DNAI2: variants seen among roughly 807,000 people sequenced by gnomAD.
DNAI2 encodes the protein dynein axonemal intermediate chain 2.
Under a neutral mutation model 74.7 loss-of-function variants are expected in DNAI2, and 63 were observed. The ratio of observed to expected loss-of-function variants is 0.84; its 90% CI spans 0.69 to 1.04. The LOEUF (loss-of-function observed/expected upper bound fraction) is 1.04. DNAI2 is among the 50% of genes least tolerant of loss of function. The probability of loss-of-function intolerance (pLI) is 0.00; values close to 1 mark genes in which losing one functional copy is unlikely to be tolerated. For missense variants in DNAI2, 688 were observed against 803.2 expected (o/e 0.86, Z 1.73); for synonymous variants, 289 against 314.9 (o/e 0.92, Z 0.87).
intron 1 of DNAI2, among the ~76,000 whole-genome samples, chr17:74,276,093 C>T (rs759252738): frequency 1.3e-4 from 20 of 152,120 alleles, no homozygotes; most frequent in Admixed American, 6.5e-4. Context: ...CACGCTGACA[C>T]TCCTCCTCCC....
chr17:74,302,837 A>G (rs1241250386), intron 8 of DNAI2, among the ~76,000 whole-genome samples: 1 of 152,182 alleles, frequency 6.6e-6, no homozygotes, highest in African/African-American at 2.4e-5. Flanking sequence ...CCTGGCCTCG[A>G]ACATACCTGG....
chr17:74,278,926 G>A (rs968556353), intron 1 of DNAI2, among the ~76,000 whole-genome samples: 2 of 152,228 alleles, frequency 1.3e-5, no homozygotes, highest in African/African-American at 4.8e-5. Context: ...CCAGCATTTT[G>A]GGAGGCCAAG....
chr17:74,302,070 AGAAGGAAG>A (rs1160792899), intron 8 of DNAI2, among the ~76,000 whole-genome samples: 411 of 6,898 alleles, frequency 0.06, 41 homozygotes, highest in East Asian at 0.15. Context: ...AAGGAAGGAA[AGAAGGAAG>A]GAAGGAAGGA....
At chr17:74,294,155 ATTAAT>A (rs144349276) in intron 6 of DNAI2, among the ~76,000 whole-genome samples, 49,824 of 151,660 alleles carry the variant, frequency 0.33, 8,918 homozygotes, top group Non-Finnish European at 0.42. Context: ...ATCTATTTAC[ATTAAT>A]TTAATTACTG....
chr17:74,305,947 C>T (rs2053168274), intron 9 of DNAI2, among the ~76,000 whole-genome samples: 1 of 152,176 alleles, frequency 6.6e-6, no homozygotes, highest in Admixed American at 6.5e-5. Flanking sequence ...GTTGGGATTA[C>T]AGGTGTGAGC....
At chr17:74,309,129 C>A in intron 9 of DNAI2, 124 bp from the exon 10 acceptor site, 1 of 1,040,546 alleles carries the variant, frequency 9.6e-7, no homozygotes, top group Non-Finnish European at 1.4e-6. Context: ...AGAAGTCAGA[C>A]ACAAGGAAGA....
intron 10 of DNAI2, 100 bp from the exon 11 acceptor site, chr17:74,309,917 A>G: frequency 6.6e-7 from 1 of 1,521,666 alleles, no homozygotes; most frequent in African/African-American, 1.4e-5. Context: ...GGATGTTTGA[A>G]TAGGGCCAAG....
rs2051414832 is a variant in DNAI2, at chr17:74,281,944, G to T, written c.127G>T (p.Glu43Ter). ...CCCTGAGCTGGCCGAGCAGTTCGTG[G>T]AGCGGAACCCAGTGGACACGGGCAT... ...PNPELAEQFVERNPVDTGIQC... is the reference protein window; with the variant it reads ...PNPELAEQFV Residue 43 changes from glutamate to a stop codon, truncating the protein, a stop_gained, in exon 2 of 14, where the codon GAG (glutamate) becomes TAG (stop). Coordinates refer to ENST00000311014, the MANE Select transcript of DNAI2 (RefSeq NM_023036.6). LOFTEE classifies it high-confidence loss of function. 1.2e-6 allele frequency: 2 copies of T among 1,614,050 alleles called. No homozygotes were observed. The highest frequency in any genetic ancestry group is 1.3e-5 in the African/African-American group (1 of 74,938).
chr17:74,307,225 T>C, intron 9 of DNAI2: 1 of 456,130 alleles, frequency 2.2e-6, no homozygotes, highest in South Asian at 1.5e-5. Flanking sequence ...CTGCCAGGGC[T>C]GTGTGAAAGG....
At chr17:74,309,010 C>T (rs2053344631) in intron 9 of DNAI2, among the ~76,000 whole-genome samples, 1 of 149,948 alleles carries the variant, frequency 6.7e-6, no homozygotes, top group Non-Finnish European at 1.5e-5. Flanking sequence ...TTGCAGTGAG[C>T]CGACATCGTA....
At chr17:74,294,837 C>T (rs1411648263) in intron 6 of DNAI2, among the ~76,000 whole-genome samples, 3 of 152,000 alleles carry the variant, frequency 2.0e-5, no homozygotes, top group East Asian at 1.9e-4. Flanking sequence ...AATATTCTTT[C>T]CTACCCTTTC....
intron 5 of DNAI2, among the ~76,000 whole-genome samples, chr17:74,290,503 A>G (rs1348802990): frequency 6.6e-6 from 1 of 152,194 alleles, no homozygotes; most frequent in African/African-American, 2.4e-5. Context: ...AGGCAGGGAC[A>G]GGGTGGTGGT....
At chr17:74,286,325 A>AATAATAATG (rs1353389581) in intron 3 of DNAI2, among the ~76,000 whole-genome samples, 6 of 149,088 alleles carry the variant, frequency 4.0e-5, no homozygotes, top group Non-Finnish European at 1.5e-5. Context: ...TAATAATAAT[A>AATAATAATG]ATAATAATAA....
intron 2 of DNAI2, 73 bp from the exon 3 acceptor site, chr17:74,284,967 T>A: frequency 6.2e-7 from 1 of 1,604,640 alleles, no homozygotes; most frequent in Non-Finnish European, 8.5e-7. Flanking sequence ...CCGTGGGACC[T>A]GGCTTGCAGA....
intron 2 of DNAI2, among the ~76,000 whole-genome samples, chr17:74,283,995 G>A (rs911987227): frequency 3.9e-5 from 6 of 152,050 alleles, no homozygotes; most frequent in African/African-American, 9.7e-5. Context: ...AAAATTAGCC[G>A]GCCATGATGG....
chr17:74,285,592 C>CAA (rs34628493), intron 3 of DNAI2, among the ~76,000 whole-genome samples: 2 of 140,702 alleles, frequency 1.4e-5, no homozygotes, highest in African/African-American at 2.7e-5. Context: ...CTTGCCAGTG[C>CAA]AAAAAAAAAA....
rs2144112493 is a variant in DNAI2 at position 74,310,034 on chromosome 17, C to T, written c.1365C>T (p.Leu455=). The T allele has an allele frequency of 1.2e-6, 2 of 1,613,898 alleles. No individual in the cohort carries two copies. Among genetic ancestry groups the T allele is most frequent in the South Asian group, 2.2e-5 (2 of 91,092 alleles). The part of the protein sequence containing the change: ...TLSLKVCDEA[L]FCLRVQDNGC... ...TTCAATAGGTGTGTGACGAGGCCCT[C>T]TTCTGCCTCCGGGTGCAGGACAATG... The change falls in exon 11 of 14, where the codon CTC becomes CTT. Residue 455 remains leucine (L), a synonymous_variant. Coordinates refer to ENST00000311014, the MANE Select transcript of DNAI2 (RefSeq NM_023036.6).
chr17:74,281,086 C>CA (rs60399157), intron 1 of DNAI2, among the ~76,000 whole-genome samples: 2,348 of 58,628 alleles, frequency 0.04, 135 homozygotes, highest in East Asian at 0.1. Flanking sequence ...GCCTTTGTCT[C>CA]AAAAAAAAAA....
intron 1 of DNAI2, 68 bp from the exon 2 acceptor site, chr17:74,281,739 C>A: frequency 1.3e-6 from 2 of 1,518,886 alleles, no homozygotes; most frequent in Non-Finnish European, 1.8e-6. Flanking sequence ...GCTGTCCTGG[C>A]AGGACCTGTG....
Sources: gnomAD v4.1 joint callset for allele counts (sites outside exome capture counted in the v4.1 genomes callset) on GRCh38, gnomAD v4.1.1 for gene constraint, MANE v1.5 for transcripts, NCBI Gene and HGNC (gene_info 2026-07-23, HGNC 2026-07-21) for gene names.